CAPN7: variants seen among roughly 807,000 people sequenced by gnomAD.
The protein encoded by CAPN7 is calpain 7.
A neutral mutation model predicts 115.2 loss-of-function variants in CAPN7; 72 were observed. The observed-to-expected ratio is 0.63, with a 90% CI of 0.52 to 0.76. The LOEUF (loss-of-function observed/expected upper bound fraction) is 0.76, where lower values mean the gene tolerates loss of function less well. CAPN7 is among the 30% of genes least tolerant of loss of function. The pLI is 0.00. For synonymous variants in CAPN7, 344 were observed against 322.3 expected (o/e 1.07, Z -0.72); for missense variants, 905 against 971.5 (o/e 0.93, Z 0.91).
At chr3:15,232,741 G>C in intron 10 of CAPN7, 76 bp downstream of exon 10, 1 of 1,302,898 alleles carries the variant, frequency 7.7e-7, no homozygotes, top group Non-Finnish European at 1.0e-6. Context: ...AAAAATTCTA[G>C]ATAGTCTTTT....
chr3:15,214,903 A>G (rs6786802), intron 2 of CAPN7, among the ~76,000 whole-genome samples: 7,962 of 152,214 alleles, frequency 0.052, 731 homozygotes, highest in African/African-American at 0.18. Flanking sequence ...TTTGGTTTTC[A>G]CGCTGCTGGG....
Position 15,251,213 on chromosome 3 carries a change from T to C in CAPN7, c.2395T>C (p.Leu799=). 1.9e-6 allele frequency: 3 copies of C among 1,611,192 alleles called. No individual in the cohort carries two copies. The highest frequency in any genetic ancestry group is 2.5e-6 in the Non-Finnish European group (3 of 1,178,792). ...GCCTAAACAAGAAGGACCTTTTTTC[T>C]TGGACTTTAATAGTATTATCCCCAT... is the stretch of plus-strand genomic sequence containing the variant. ...FLPKQEGPFF[L]DFNSIIPIKI... is the part of the protein sequence containing the mutation. The change falls in exon 21 of 21, where the codon TTG becomes CTG. Residue 799 remains leucine (L), a synonymous_variant. Transcript: ENST00000253693.
At chr3:15,214,034 C>G (rs1009659315) in intron 2 of CAPN7, among the ~76,000 whole-genome samples, 1 of 152,098 alleles carries the variant, frequency 6.6e-6, no homozygotes, top group Non-Finnish European at 1.5e-5. Flanking sequence ...GCGCCTGCCA[C>G]CACACCCAGC....
rs753975969 is a variant in CAPN7, at chr3:15,212,188, A to G, written c.187A>G (p.Arg63Gly). The change falls in exon 2 of 21, where the codon AGA (arginine) becomes GGA (glycine). Residue 63 changes from arginine (R) to glycine (G), a missense_variant. By Grantham distance (125) the Arg-to-Gly change is moderately radical (BLOSUM62 -2). Coordinates refer to ENST00000253693, the MANE Select transcript of CAPN7 (RefSeq NM_014296.3). ...IQEKITEYLE[R>G]VQALHSAVQS... ...AGAAAAAATAACTGAGTATCTGGAA[A>G]GAGTTCAAGCTCTACATTCAGCAGG... The G allele has an allele frequency of 1.9e-6, 3 of 1,606,716 alleles. No homozygotes were observed. Among genetic ancestry groups the G allele is most frequent in the Non-Finnish European group, 1.7e-6 (2 of 1,174,546 alleles).
chr3:15,215,942 C>T (rs918272128), intron 2 of CAPN7, among the ~76,000 whole-genome samples: 5 of 152,106 alleles, frequency 3.3e-5, no homozygotes, highest in African/African-American at 1.2e-4. Flanking sequence ...AAAAATTAGC[C>T]AAGCGTGATG....
intron 6 of CAPN7, among the ~76,000 whole-genome samples, chr3:15,227,189 CATT>C (rs1694371822): frequency 6.7e-6 from 1 of 150,216 alleles, no homozygotes; most frequent in Non-Finnish European, 1.5e-5. Context: ...TTTAGAGAAA[CATT>C]GTTACACACA....
intron 17 of CAPN7, chr3:15,245,914 T>C (rs184965416): frequency 1.6e-4 from 60 of 372,648 alleles, no homozygotes; most frequent in African/African-American, 1.2e-3. Flanking sequence ...CCCGTGGTAA[T>C]ATAGTATGTT....
chr3:15,228,935 G>A (rs372349880), intron 7 of CAPN7, 39 bp from the exon 8 acceptor site: 12 of 1,447,802 alleles, frequency 8.3e-6, no homozygotes, highest in African/African-American at 2.8e-5. Context: ...TTGAAATTAC[G>A]TGAATGAATA....
intron 12 of CAPN7, among the ~76,000 whole-genome samples, chr3:15,239,437 C>CT (rs745594875): frequency 1.8e-4 from 28 of 152,132 alleles, no homozygotes; most frequent in Non-Finnish European, 2.8e-4. Flanking sequence ...CTGGTATTTA[C>CT]TAAGCATTTA....
chr3:15,239,439 A>G (rs1183032378), intron 12 of CAPN7, among the ~76,000 whole-genome samples: 1 of 152,218 alleles, frequency 6.6e-6, no homozygotes, highest in Non-Finnish European at 1.5e-5. Flanking sequence ...GGTATTTACT[A>G]AGCATTTACC....
chr3:15,244,926 G>C (rs1695566398), intron 16 of CAPN7, among the ~76,000 whole-genome samples: 1 of 151,936 alleles, frequency 6.6e-6, no homozygotes, highest in African/African-American at 2.4e-5. Context: ...AAAGATATAA[G>C]ACATGCACTA....
rs529000061 is a variant in CAPN7 at position 15,229,247 on chromosome 3, C to T, written c.938+188C>T. Among the ~76,000 whole-genome samples the T allele has an allele frequency of 1.9e-3, 285 of 152,166 alleles. 2 individuals carry two copies. Among genetic ancestry groups the T allele is most frequent in the African/African-American group, 6.7e-3 (277 of 41,516 alleles). The stretch of plus-strand genomic sequence containing the variant: ...TAAAACAGTCTTAAGAACCTATACA[C>T]GTAGTTAATATATATGAAATTAATG... On this transcript the variant is annotated intron_variant, in intron 8 of 20. Transcript: ENST00000253693.
chr3:15,241,545 G>C lies in CAPN7; in HGVS notation c.1745G>C (p.Gly582Ala). The C allele has an allele frequency of 6.2e-7, 1 of 1,614,028 alleles. No homozygotes were observed. The highest frequency in any genetic ancestry group is 8.5e-7 in the Non-Finnish European group (1 of 1,179,938). Reference sequence around the variant, plus strand: ...CTGGAGGTGCAGTGTCCACAGGGGGGTGCTGCAGTTTGGGTTTTGCTTAGT... The same window carrying C: ...CTGGAGGTGCAGTGTCCACAGGGGGCTGCTGCAGTTTGGGTTTTGCTTAGT... ...YKLEVQCPQG[G>A]AAVWVLLSRH... Residue 582 changes from glycine to alanine, a missense_variant, in exon 15 of 21, where the codon GGT becomes GCT. By Grantham distance (60) the Gly-to-Ala change is moderately conservative. Around this residue, in one of 3 missense-constraint regions of CAPN7, gnomAD observed 620 missense variants for 703.4 expected, o/e 0.88. Transcript: ENST00000253693.
chr3:15,239,951 A>T (rs1695241637), intron 12 of CAPN7, among the ~76,000 whole-genome samples: 1 of 152,246 alleles, frequency 6.6e-6, no homozygotes, highest in African/African-American at 2.4e-5. Flanking sequence ...GGCAAAATTG[A>T]ATAAGGATTT....
intron 12 of CAPN7, among the ~76,000 whole-genome samples, chr3:15,237,821 T>A (rs1356856083): frequency 4.6e-5 from 7 of 151,734 alleles, no homozygotes; most frequent in African/African-American, 7.3e-5. Context: ...AATAATTTTT[T>A]AAAAAATTAG....
At position 15,251,008 on chromosome 3, in the gene CAPN7, C is replaced by G. The variant is rs759131927; in HGVS notation, c.2282C>G (p.Ser761Cys). The G allele has an allele frequency of 4.3e-6, 7 of 1,612,392 alleles. 1 individual carries two copies. In the South Asian group the frequency reaches 7.7e-5, roughly 18 times the overall value. Residue 761 changes from serine to cysteine, a missense_variant, in exon 20 of 21, where the codon TCT becomes TGT. Coordinates refer to ENST00000253693, the MANE Select transcript of CAPN7 (RefSeq NM_014296.3). Reference sequence around the variant, plus strand: ...GGTCCCCATGGCTTTCTGAGGAAATCTAGTGGTGACTATAGGTAATGTTGG... The same window carrying G: ...GGTCCCCATGGCTTTCTGAGGAAATGTAGTGGTGACTATAGGTAATGTTGG... ...DPGPHGFLRK[S>C]SGDYRCGFCY... is the part of the protein sequence containing the mutation.
chr3:15,214,388 G>A (rs1252676959), intron 2 of CAPN7, among the ~76,000 whole-genome samples: 1 of 152,158 alleles, frequency 6.6e-6, no homozygotes, highest in African/African-American at 2.4e-5. Context: ...AATCCTGAGA[G>A]AGAGTTGATT....
chr3:15,211,882 T>C (rs2044974059), intron 1 of CAPN7, among the ~76,000 whole-genome samples: 1 of 152,006 alleles, frequency 6.6e-6, no homozygotes, highest in Non-Finnish European at 1.5e-5. Context: ...AGAGCAAAAC[T>C]CTGTCTCAAA....
At chr3:15,215,003 A>C (rs1400677576) in intron 2 of CAPN7, among the ~76,000 whole-genome samples, 1 of 152,234 alleles carries the variant, frequency 6.6e-6, no homozygotes, top group African/African-American at 2.4e-5. Context: ...TCCAGCCCAA[A>C]ATGTCAATAA....
Sources: allele counts gnomAD v4.1 joint callset (sites outside exome capture counted in the v4.1 genomes callset), GRCh38; gene constraint gnomAD v4.1.1; regional missense constraint gnomAD v4.1.1; transcripts MANE v1.5; gene names NCBI Gene and HGNC (gene_info 2026-07-23, HGNC 2026-07-21).